The following LCOR variants were observed in gnomAD, a reference collection of about 807,000 sequenced individuals.
LCOR encodes the protein ligand-dependent corepressor.
A neutral mutation model predicts 64.4 loss-of-function variants in LCOR; 14 were observed. That is an observed-to-expected ratio of 0.22 (90% confidence interval 0.14 to 0.34). The LOEUF is 0.34. Among genes scored for constraint, LCOR ranks in the 10% least tolerant of loss-of-function variants. The pLI is 1.00. For missense variants in LCOR, 1,686 were observed against 1,765.3 expected, an observed-to-expected ratio of 0.96 and a Z score of 0.80; for synonymous variants, 643 against 642.5, an observed-to-expected ratio of 1.00 and a Z score of -0.01.
At chr10:96,941,606 G>A (rs1207379891) in intron 4 of LCOR, among the ~76,000 whole-genome samples, 1 of 148,134 alleles carries the variant, frequency 6.8e-6, no homozygotes, top group Non-Finnish European at 1.5e-5. Flanking sequence ...CTTTCCAGAC[G>A]GGGTGGCTGC....
At chr10:96,930,145 C>T (rs183846655) in intron 4 of LCOR, among the ~76,000 whole-genome samples, 90 of 152,272 alleles carry the variant, frequency 5.9e-4, no homozygotes, top group African/African-American at 2.1e-3. Flanking sequence ...TAGACTTGGT[C>T]GACACAGGGT....
At chr10:96,938,357 A>C (rs924513719) in intron 4 of LCOR, among the ~76,000 whole-genome samples, 4 of 152,218 alleles carry the variant, frequency 2.6e-5, no homozygotes, top group African/African-American at 7.2e-5. Flanking sequence ...GCCAAATCCA[A>C]CACGTTTTCT....
intron 7 of LCOR, chr10:96,958,257 A>C: frequency 7.5e-7 from 1 of 1,326,094 alleles, no homozygotes; most frequent in Non-Finnish European, 9.7e-7. Flanking sequence ...TGGCCCTAAA[A>C]GTTCAACTTT....
chr10:96,855,113 A>G (rs968280715), intron 2 of LCOR, among the ~76,000 whole-genome samples: 6 of 152,192 alleles, frequency 3.9e-5, no homozygotes, highest in Non-Finnish European at 8.8e-5. Flanking sequence ...TGAGTGGTTC[A>G]GGGATCCTTC....
In LCOR at chr10:96,987,713, A is replaced by AT. The variant is rs1848159800; in HGVS notation, c.*2583dup. On this transcript the variant is annotated 3_prime_UTR_variant, in exon 8 of 8. Coordinates refer to ENST00000421806, the MANE Select transcript of LCOR (RefSeq NM_001346516.2). ...AATCTCATTTTTGCTGATTCAGTTA[A>AT]TTTTGTTAATAGAAGAAAGAAAACA... The AT allele has an allele frequency of 6.6e-6, 1 of 152,166 alleles. No individual in the cohort carries two copies. The highest frequency in any genetic ancestry group is 2.1e-4 in the South Asian group (1 of 4,828). 9.4% of individuals were successfully genotyped at this position (152,166 alleles called of 1,614,324 possible). A position where few individuals can be genotyped will look rare whatever the true frequency, so the allele number is the denominator to read the frequency against.
At chr10:96,927,661 G>A (rs918484186) in intron 4 of LCOR, among the ~76,000 whole-genome samples, 13 of 152,000 alleles carry the variant, frequency 8.6e-5, no homozygotes, top group African/African-American at 3.1e-4. Context: ...AGGAGTTGAG[G>A]TTTTATATTC....
In LCOR at chr10:96,923,420, C is replaced by G. The variant is rs1273247276; in HGVS notation, c.-184+15673C>G. On this transcript the variant is annotated intron_variant, in intron 4 of 7. Transcript: ENST00000421806. ...ACAGGGGTGGCATTAAAATGTCATC[C>G]TATTGTCACACTTCTGCAGTCTAGG... Among the ~76,000 whole-genome samples, 4 of 152,178 alleles carry G rather than the reference C, an allele frequency of 2.6e-5. No individual in the cohort carries two copies. In the East Asian group the frequency reaches 7.7e-4, roughly 29 times the overall value.
chr10:96,832,570 A>T, intron 1 of LCOR, among the ~76,000 whole-genome samples, 171 bp downstream of exon 1: 1 of 83,260 alleles, frequency 1.2e-5, no homozygotes. Flanking sequence ...CGCGACCTCC[A>T]GGCGGGCTCC....
At chr10:96,897,703 T>G (rs755195045) in intron 2 of LCOR, among the ~76,000 whole-genome samples, 1 of 152,198 alleles carries the variant, frequency 6.6e-6, no homozygotes, top group Non-Finnish European at 1.5e-5. Context: ...CTTTTTTGTT[T>G]TATTTCTATC....
At chr10:96,911,387 ACG>A (rs1846832079) in intron 4 of LCOR, among the ~76,000 whole-genome samples, 1 of 152,092 alleles carries the variant, frequency 6.6e-6, no homozygotes, top group African/African-American at 2.4e-5. Context: ...GTGAGCCACC[ACG>A]CCCTGCCACT....
rs544097178 is a variant in LCOR at position 96,900,886 on chromosome 10, T to C, written c.-329-6379T>C. 3.3e-5 allele frequency among the ~76,000 whole-genome samples: 5 copies of C among 151,902 alleles called. No homozygotes were observed. In the East Asian group the frequency reaches 9.6e-4, roughly 29 times the overall value. ...GTAGGCTTTTTTTTTTTTTTCTTTT[T>C]TCTGTTTTAAGAGATGGGGTCGGCC... On this transcript the variant is annotated intron_variant, in intron 2 of 7. Transcript: ENST00000421806.
intron 4 of LCOR, among the ~76,000 whole-genome samples, chr10:96,932,446 A>T (rs1275772175): frequency 1.5e-5 from 2 of 136,720 alleles, no homozygotes; most frequent in Non-Finnish European, 2.9e-5. Flanking sequence ...AACCTTTTTT[A>T]TTTTATTTTA....
chr10:96,909,980 AG>A lies in LCOR; in HGVS notation c.-184+2235del, dbSNP rs1376153404. Among the ~76,000 whole-genome samples the A allele has an allele frequency of 1.3e-4, 20 of 152,230 alleles. 1 individual carries two copies. In the East Asian group the frequency reaches 2.5e-3, roughly 19 times the overall value. The stretch of plus-strand genomic sequence containing the variant: ...CAGTTACTAATTTTTTTTTCAGGTT[AG>A]GATGAGGAAGAGAGCCATTCTATGC... On this transcript the variant is annotated intron_variant, in intron 4 of 7. Coordinates refer to ENST00000421806, the MANE Select transcript of LCOR (RefSeq NM_001346516.2).
At chr10:96,959,785 T>G (rs1455602942) in intron 7 of LCOR, 1 of 152,212 alleles carries the variant, frequency 6.6e-6, no homozygotes, top group Non-Finnish European at 1.5e-5. Flanking sequence ...AAACCTTTGC[T>G]GCAGCAGATC....
chr10:96,941,318 G>A lies in LCOR; in HGVS notation c.-183-2795G>A, dbSNP rs1338449189. ...CCCCCACCTCCCTCCCGGACGGGGC[G>A]GCTGGCCGGGCAGAGGAGTCCTCAC... On this transcript the variant is annotated intron_variant, in intron 4 of 7. Coordinates refer to ENST00000421806, the MANE Select transcript of LCOR (RefSeq NM_001346516.2). Among the ~76,000 whole-genome samples, 17 of 141,316 alleles carry A rather than the reference G, an allele frequency of 1.2e-4. No homozygotes were observed. The South Asian group carries it at 2.0e-3, about 17-fold the overall frequency. 92.7% of individuals were successfully genotyped at this position (141,316 alleles called of 152,430 possible). A position where few individuals can be genotyped will look rare whatever the true frequency, so the allele number is the denominator to read the frequency against.
At chr10:96,946,602 C>T (rs1355684037) in intron 5 of LCOR, among the ~76,000 whole-genome samples, 1 of 151,838 alleles carries the variant, frequency 6.6e-6, no homozygotes, top group African/African-American at 2.4e-5. Flanking sequence ...GCTGTGTTCC[C>T]CTGGGTGTGG....
At chr10:96,890,493 AATC>A (rs1846421808) in intron 2 of LCOR, among the ~76,000 whole-genome samples, 1 of 152,126 alleles carries the variant, frequency 6.6e-6, no homozygotes, top group African/African-American at 2.4e-5. Flanking sequence ...GTATATATAA[AATC>A]ATGTCATCTA....
At chr10:96,931,244 T>C (rs1281537163) in intron 4 of LCOR, among the ~76,000 whole-genome samples, 1 of 151,582 alleles carries the variant, frequency 6.6e-6, no homozygotes, top group African/African-American at 2.4e-5. Flanking sequence ...TTTTTTTTTT[T>C]TTTCTTTGAG....
intron 4 of LCOR, among the ~76,000 whole-genome samples, chr10:96,918,821 G>A (rs1040873639): frequency 6.6e-6 from 1 of 152,180 alleles, no homozygotes; most frequent in African/African-American, 2.4e-5. Context: ...GCAGTGACTG[G>A]TGAGAAACTG....
Sources: allele counts gnomAD v4.1 joint callset (sites outside exome capture counted in the v4.1 genomes callset), GRCh38; gene constraint gnomAD v4.1.1; transcripts MANE v1.5; gene names NCBI Gene and HGNC (gene_info 2026-07-23, HGNC 2026-07-21).